Variants in WSB2 observed in about 807,000 individuals in gnomAD.
The protein encoded by WSB2 is WD repeat and SOCS box-containing protein 2.
In WSB2, 12 loss-of-function variants were observed where a neutral mutation model predicts 48.8. The ratio of observed to expected loss-of-function variants is 0.25; its 90% confidence interval spans 0.16 to 0.40. WSB2 has a LOEUF of 0.40. WSB2 is among the 10% of genes least tolerant of loss of function. WSB2 has a pLI of 1.00. For missense variants in WSB2, 317 were observed against 506.2 expected (o/e 0.63, Z 3.59); for synonymous variants, 191 against 203.1 (o/e 0.94, Z 0.51).
chr12:118,047,933 T>C (rs1473337072), intron 2 of WSB2, among the ~76,000 whole-genome samples: 3 of 152,158 alleles, frequency 2.0e-5, no homozygotes, highest in Non-Finnish European at 4.4e-5. Context: ...AACTGCTTTT[T>C]TTTGTTTTTT....
At chr12:118,034,894 C>T in intron 8 of WSB2, 92 bp downstream of exon 8, 1 of 1,262,216 alleles carries the variant, frequency 7.9e-7, no homozygotes, top group Non-Finnish European at 1.1e-6. Flanking sequence ...TCCTCATAGG[C>T]AAGAAAATTC....
rs760239670 is a variant in WSB2 at position 118,034,181 on chromosome 12, A to G, written c.*15T>C. The G allele has an allele frequency of 3.4e-5, 55 of 1,613,914 alleles. No homozygotes were observed. In the East Asian group the frequency reaches 1.2e-3, roughly 34 times the overall value. ...GATTTACCCTGCTACAAAGAAGCAC[A>G]AGATGTGGTGTTGCTTAAAAAGTCC... On this transcript the variant is annotated 3_prime_UTR_variant, in exon 9 of 9. Coordinates refer to ENST00000315436, the MANE Select transcript of WSB2 (RefSeq NM_018639.5).
intron 1 of WSB2, among the ~76,000 whole-genome samples, chr12:118,056,648 C>A (rs1433751380): frequency 6.6e-6 from 1 of 152,198 alleles, no homozygotes; most frequent in Non-Finnish European, 1.5e-5. Flanking sequence ...TGCTTGTAAT[C>A]CCAACACTTT....
At chr12:118,045,069 G>C (rs1157965767) in intron 2 of WSB2, among the ~76,000 whole-genome samples, 2 of 152,078 alleles carry the variant, frequency 1.3e-5, no homozygotes, top group East Asian at 1.9e-4. Context: ...CAATTGTGTG[G>C]TGAAATACAC....
intron 4 of WSB2, among the ~76,000 whole-genome samples, chr12:118,042,176 A>T (rs2031650098): frequency 6.6e-6 from 1 of 152,218 alleles, no homozygotes; most frequent in African/African-American, 2.4e-5. Context: ...CCATAGCCTG[A>T]GAGAATTATT....
intron 1 of WSB2, among the ~76,000 whole-genome samples, chr12:118,055,607 CTTTTTTTTTTTTTTTTT>C (rs748354611): frequency 1.2e-5 from 1 of 81,678 alleles, no homozygotes; most frequent in Non-Finnish European, 2.1e-5. Context: ...CTACATTATC[CTTTTTTTTTTTTTTTTT>C]TTTTTTTTGA....
chr12:118,050,302 C>T (rs1593470883), intron 2 of WSB2, among the ~76,000 whole-genome samples: 3 of 152,166 alleles, frequency 2.0e-5, no homozygotes, highest in South Asian at 2.1e-4. Flanking sequence ...TGGGAGCTCA[C>T]GGCATTCTGA....
intron 6 of WSB2, 53 bp from the exon 7 acceptor site, chr12:118,035,377 C>T (rs1181671580): frequency 1.5e-5 from 23 of 1,510,536 alleles, no homozygotes; most frequent in Admixed American, 6.7e-5. Flanking sequence ...TGCTCTCCAC[C>T]CTCCATCATC....
At chr12:118,038,746 T>C (rs2031567168) in intron 4 of WSB2, among the ~76,000 whole-genome samples, 1 of 152,146 alleles carries the variant, frequency 6.6e-6, no homozygotes, top group Non-Finnish European at 1.5e-5. Flanking sequence ...AGTGGCGCGA[T>C]CTCAGCTCAC....
intron 2 of WSB2, among the ~76,000 whole-genome samples, chr12:118,051,917 T>C (rs926500234): frequency 6.6e-6 from 1 of 152,142 alleles, no homozygotes; most frequent in Non-Finnish European, 1.5e-5. Context: ...GAGGTTGTAG[T>C]GAGCCAAGAT....
intron 4 of WSB2, among the ~76,000 whole-genome samples, chr12:118,039,665 G>A (rs566573086): frequency 3.3e-5 from 5 of 152,230 alleles, no homozygotes; most frequent in East Asian, 1.9e-4. Flanking sequence ...ATTGTTATAC[G>A]CCTGTACATG....
intron 4 of WSB2, among the ~76,000 whole-genome samples, chr12:118,040,266 G>A (rs1456577215): frequency 6.6e-6 from 1 of 152,124 alleles, no homozygotes; most frequent in African/African-American, 2.4e-5. Context: ...CAGTGGGGCA[G>A]CGCCTGTCAG....
At position 118,035,301 on chromosome 12, in the gene WSB2, A is replaced by G. The variant is rs1329590261; in HGVS notation, c.857T>C (p.Met286Thr). 6.2e-7 allele frequency: 1 copy of G among 1,614,216 alleles called. No individual in the cohort carries two copies. The highest frequency in any genetic ancestry group is 2.2e-5 in the East Asian group (1 of 44,884). The change falls in exon 7 of 9, where the codon ATG becomes ACG. Residue 286 changes from methionine to threonine, a missense_variant. Transcript: ENST00000315436. ...GCTAATGTGGACGTCACTGTCATCC[A>G]TGGCGGGGTCAACCTGGGTGTGGCT... is the stretch of plus-strand genomic sequence containing the variant. ...SLHHTQVDPAMDDSDVHISSL... is the reference protein window; with the variant it reads ...SLHHTQVDPATDDSDVHISSL...
intron 4 of WSB2, 121 bp from the exon 5 acceptor site, chr12:118,038,509 G>A: frequency 2.5e-6 from 2 of 797,872 alleles, no homozygotes; most frequent in Non-Finnish European, 2.0e-6. Flanking sequence ...CTATCAGCTG[G>A]GCCCAAGGGT....
chr12:118,036,304 C>T (rs757965840), intron 6 of WSB2, 34 bp downstream of exon 6: 2 of 1,598,374 alleles, frequency 1.3e-6, no homozygotes, highest in African/African-American at 1.3e-5. Context: ...TCAGTCCCCC[C>T]ACAAAAAAGT....
At chr12:118,043,040 C>T in intron 3 of WSB2, 68 bp from the exon 4 acceptor site, 1 of 1,613,444 alleles carries the variant, frequency 6.2e-7, no homozygotes. Context: ...CACGGCCACA[C>T]CCCTTGGCCA....
At chr12:118,050,625 C>G (rs1004888162) in intron 2 of WSB2, among the ~76,000 whole-genome samples, 3 of 151,894 alleles carry the variant, frequency 2.0e-5, no homozygotes, top group Non-Finnish European at 2.9e-5. Flanking sequence ...GACAACAGAG[C>G]AAGACCCTCT....
At chr12:118,038,585 T>A (rs2031563785) in intron 4 of WSB2, among the ~76,000 whole-genome samples, 197 bp from the exon 5 acceptor site, 2 of 152,188 alleles carry the variant, frequency 1.3e-5, no homozygotes, top group Non-Finnish European at 1.5e-5. Context: ...AATCTATGAA[T>A]ATGATATTCT....
intron 4 of WSB2, among the ~76,000 whole-genome samples, chr12:118,040,647 T>G (rs760990002): frequency 4.2e-4 from 60 of 143,960 alleles, no homozygotes; most frequent in Non-Finnish European, 4.7e-4. Context: ...TGGAGGAGGC[T>G]CTGTCTCAAA....
Sources: allele counts gnomAD v4.1 joint callset (sites outside exome capture counted in the v4.1 genomes callset), GRCh38; gene constraint gnomAD v4.1.1; transcripts MANE v1.5; gene names NCBI Gene and HGNC (gene_info 2026-07-23, HGNC 2026-07-21).